COX20: variants seen among roughly 807,000 people sequenced by gnomAD.
COX20 encodes cytochrome c oxidase assembly protein COX20, mitochondrial.
A neutral mutation model predicts 14.3 loss-of-function variants in COX20; 14 were observed. That is an observed-to-expected ratio of 0.98 (90% CI 0.65 to 1.53). COX20 has a LOEUF of 1.53. Ranked by LOEUF, COX20 falls within the 40% of genes most tolerant of loss-of-function variation. COX20 has a pLI of 0.00. For missense variants in COX20, 149 were observed against 142.1 expected, an observed-to-expected ratio of 1.05 and a Z score of -0.25; for synonymous variants, 56 against 51.7, an observed-to-expected ratio of 1.08 and a Z score of -0.36.
Position 244,844,185 on chromosome 1 carries a change from T to C in COX20, c.*1009T>C, listed in dbSNP as rs1456265427. On this transcript the variant is annotated 3_prime_UTR_variant, in exon 4 of 4. Coordinates refer to ENST00000411948, the MANE Select transcript of COX20 (RefSeq NM_198076.6). ...AGGAAGAAAATATTAGTTATTTTGA[T>C]CTACATCTTTTTCTAAAGAAAAGTG... 1 of 152,226 alleles carries C rather than the reference T, an allele frequency of 6.6e-6. No individual in the cohort carries two copies. Among genetic ancestry groups the C allele is most frequent in the Non-Finnish European group, 1.5e-5 (1 of 68,038 alleles). 9.4% of individuals were successfully genotyped at this position (152,226 alleles called of 1,614,324 possible).
At chr1:244,838,582 A>G (rs557827674) in intron 1 of COX20, among the ~76,000 whole-genome samples, 1 of 152,326 alleles carries the variant, frequency 6.6e-6, no homozygotes, top group South Asian at 2.1e-4. Flanking sequence ...TGTGCCACAT[A>G]TGCTGAGATG....
chr1:244,837,778 G>T (rs1165772923), intron 1 of COX20, among the ~76,000 whole-genome samples: 2 of 152,166 alleles, frequency 1.3e-5, no homozygotes, highest in African/African-American at 4.8e-5. Context: ...TGTTCGTTCG[G>T]TAATAACCAT....
upstream of COX20, chr1:244,835,500 G>C: frequency 2.6e-6 from 1 of 388,368 alleles, no homozygotes; most frequent in Non-Finnish European, 4.5e-6. Flanking sequence ...TTGGAAGAAA[G>C]TGTGACCCGT....
upstream of COX20, chr1:244,835,385 T>G (rs1406686019): frequency 3.5e-6 from 1 of 287,830 alleles, no homozygotes; most frequent in Non-Finnish European, 6.4e-6. Flanking sequence ...GAAGCGGGGC[T>G]GTCTGGCTCG....
Position 244,843,387 on chromosome 1 carries a change from C to A in COX20, c.*211C>A. 1 of 510,342 alleles carries A rather than the reference C, an allele frequency of 2.0e-6. No homozygotes were observed. The highest frequency in any genetic ancestry group is 4.0e-5 in the Admixed American group (1 of 24,704). 31.6% of individuals were successfully genotyped at this position (510,342 alleles called of 1,614,324 possible). On this transcript the variant is annotated 3_prime_UTR_variant, in exon 4 of 4. Transcript: ENST00000411948. ...TACGTGTTACATATAGTGGACTTGT[C>A]ATCCTTAAAATGTGAACAGAATTTA...
In COX20 at chr1:244,843,188, C is replaced by CAAAGA. The variant is rs762438072; in HGVS notation, c.*13_*14insAAGAA. On this transcript the variant is annotated 3_prime_UTR_variant, in exon 4 of 4. Coordinates refer to ENST00000411948, the MANE Select transcript of COX20 (RefSeq NM_198076.6). ...GCAGCAGCAATTGAACAATCTTGAG[C>CAAAGA]ATAGAAGTCAATGTAAACGAAGTTA... 111 of 1,532,542 alleles carry CAAAGA rather than the reference C, an allele frequency of 7.2e-5. No individual in the cohort carries two copies. In the Middle Eastern group the frequency reaches 1.1e-3, roughly 15 times the overall value. 94.9% of individuals were successfully genotyped at this position (1,532,542 alleles called of 1,614,324 possible).
intron 1 of COX20, chr1:244,836,521 G>A (rs1049034635): frequency 9.0e-6 from 14 of 1,549,908 alleles, no homozygotes; most frequent in Non-Finnish European, 1.2e-5. Flanking sequence ...ATATTGGAAG[G>A]TAATAAATGA....
chr1:244,840,675 G>GC (rs1680166211), intron 1 of COX20: 1 of 152,208 alleles, frequency 6.6e-6, no homozygotes, highest in Non-Finnish European at 1.5e-5. Flanking sequence ...TATGAACCAA[G>GC]TCACATTTTG....
At chr1:244,838,077 T>A (rs1438585405) in intron 1 of COX20, among the ~76,000 whole-genome samples, 1 of 152,230 alleles carries the variant, frequency 6.6e-6, no homozygotes, top group Non-Finnish European at 1.5e-5. Context: ...ATGCTCAACC[T>A]GTATTAGCAA....
At chr1:244,837,433 G>A (rs539754252) in intron 1 of COX20, among the ~76,000 whole-genome samples, 5 of 152,254 alleles carry the variant, frequency 3.3e-5, no homozygotes, top group African/African-American at 9.6e-5. Flanking sequence ...TTTATTATAA[G>A]AATTAGCAAA....
rs942254694 is a variant in COX20, at chr1:244,843,151, A to C, written c.332A>C (p.Lys111Thr). The change falls in exon 4 of 4, where the codon AAA (lysine) becomes ACA (threonine). Residue 111 changes from lysine (K) to threonine (T), a missense_variant. By Grantham distance (78) the Lys-to-Thr change is moderately conservative. Coordinates refer to ENST00000411948, the MANE Select transcript of COX20 (RefSeq NM_198076.6). Reference protein sequence around the residue: ...YEGTHLDPERKHNGSSSN With the variant: ...YEGTHLDPERTHNGSSSN ...GGTACCCACCTCGATCCTGAAAGAAAACACAACGGCAGCAGCAGCAATTGA... is the reference window on the plus strand; with the variant it reads ...GGTACCCACCTCGATCCTGAAAGAACACACAACGGCAGCAGCAGCAATTGA... The C allele has an allele frequency of 1.3e-6, 2 of 1,592,434 alleles. No homozygotes were observed. Among genetic ancestry groups the C allele is most frequent in the Non-Finnish European group, 1.7e-6 (2 of 1,174,172 alleles).
chr1:244,835,882 T>G, intron 1 of COX20, 126 bp downstream of exon 1: 2 of 667,064 alleles, frequency 3.0e-6, no homozygotes, highest in Non-Finnish European at 4.3e-6. Context: ...GAAACTATTT[T>G]AACTGTTCCT....
intron 1 of COX20, 80 bp downstream of exon 1, chr1:244,835,836 G>T: frequency 1.9e-6 from 2 of 1,069,044 alleles, no homozygotes; most frequent in Non-Finnish European, 1.2e-6. Context: ...TAGGCCCGGA[G>T]CACGTGTCAC....
intron 1 of COX20, among the ~76,000 whole-genome samples, chr1:244,835,976 G>A (rs1479614137): frequency 6.6e-6 from 1 of 152,216 alleles, no homozygotes; most frequent in Non-Finnish European, 1.5e-5. Context: ...GGGACCAGTA[G>A]TACTAATGAC....
chr1:244,841,799 C>A, intron 1 of COX20, 145 bp from the exon 2 acceptor site: 1 of 585,580 alleles, frequency 1.7e-6, no homozygotes, highest in Non-Finnish European at 3.1e-6. Context: ...AAAGACAACG[C>A]AAGCTGATTT....
rs564715964 is a variant in COX20, at chr1:244,845,005, A to G, written c.*1829A>G. 1 of 163,716 alleles carries G rather than the reference A, an allele frequency of 6.1e-6. No homozygotes were observed. The highest frequency in any genetic ancestry group is 1.9e-4 in the East Asian group (1 of 5,182). 10.1% of individuals were successfully genotyped at this position (163,716 alleles called of 1,614,324 possible). ...TACATTCTCCCATATACTTTAAATC[A>G]TCTCTAGATTACTTATAATGTCTAA... is the stretch of plus-strand genomic sequence containing the variant. On this transcript the variant is annotated 3_prime_UTR_variant, in exon 4 of 4. Transcript: ENST00000411948.
chr1:244,842,105 T>A, intron 2 of COX20, 47 bp downstream of exon 2: 1 of 1,518,448 alleles, frequency 6.6e-7, no homozygotes, highest in Non-Finnish European at 9.1e-7. Context: ...AAAAAGCATT[T>A]CTCTACATAA....
At chr1:244,836,575 AC>A (rs1412262940) in intron 1 of COX20, 2 of 1,456,702 alleles carry the variant, frequency 1.4e-6, no homozygotes, top group Non-Finnish European at 1.9e-6. Context: ...AGAGCAGGGA[AC>A]CTAATTTATA....
Position 244,844,968 on chromosome 1 carries a change from A to G in COX20, c.*1792A>G, listed in dbSNP as rs954839196. The G allele has an allele frequency of 6.4e-6, 1 of 157,062 alleles. No individual in the cohort carries two copies. The highest frequency in any genetic ancestry group is 1.5e-5 in the Non-Finnish European group (1 of 68,062). 9.7% of individuals were successfully genotyped at this position (157,062 alleles called of 1,614,324 possible). On this transcript the variant is annotated 3_prime_UTR_variant, in exon 4 of 4. Transcript: ENST00000411948. Reference sequence around the variant, plus strand: ...TTAAATAAAATACCCTCATATTTCCATATAATCTACATACATTCTCCCATA... The same window carrying G: ...TTAAATAAAATACCCTCATATTTCCGTATAATCTACATACATTCTCCCATA...
Sources: allele counts gnomAD v4.1 joint callset (sites outside exome capture counted in the v4.1 genomes callset), GRCh38; gene constraint gnomAD v4.1.1; transcripts MANE v1.5; gene names NCBI Gene and HGNC (gene_info 2026-07-23, HGNC 2026-07-21).